ANKFN1: variants seen among roughly 807,000 people sequenced by gnomAD.
ANKFN1 encodes ankyrin repeat and fibronectin type-III domain-containing protein 1.
In ANKFN1, 74 loss-of-function variants were observed where a neutral mutation model predicts 108.7. The ratio of observed to expected loss-of-function variants is 0.68; its 90% CI spans 0.56 to 0.83. ANKFN1 has a LOEUF of 0.83. Among genes scored for constraint, ANKFN1 ranks in the 40% least tolerant of loss-of-function variants. The pLI is 0.00. For synonymous variants in ANKFN1, 547 were observed against 516.2 expected (o/e 1.06, Z -0.81); for missense variants, 1,505 against 1,382.3 (o/e 1.09, Z -1.41).
chr17:56,054,948 A>G (rs1359647214), intron 4 of ANKFN1, among the ~76,000 whole-genome samples: 1 of 152,082 alleles, frequency 6.6e-6, no homozygotes, highest in African/African-American at 2.4e-5. Context: ...AAAGAATACA[A>G]ATGCTCATCT....
At chr17:56,443,535 C>G (rs899063741) in intron 10 of ANKFN1, among the ~76,000 whole-genome samples, 4 of 152,110 alleles carry the variant, frequency 2.6e-5, no homozygotes, top group Non-Finnish European at 2.9e-5. Flanking sequence ...CTTCCTCACC[C>G]GCAGTGCACA....
intron 19 of ANKFN1, among the ~76,000 whole-genome samples, chr17:56,497,643 C>G (rs2051242356): frequency 6.6e-6 from 1 of 152,062 alleles, no homozygotes; most frequent in Non-Finnish European, 1.5e-5. Context: ...CTTCCACAAT[C>G]AGAGAGAGAG....
intron 8 of ANKFN1, among the ~76,000 whole-genome samples, chr17:56,430,451 A>G (rs1241294489): frequency 6.6e-6 from 1 of 150,422 alleles, no homozygotes; most frequent in East Asian, 2.0e-4. Context: ...GTAATACTGC[A>G]TTGTCTACTA....
chr17:56,225,553 GATGTGTTATTAGGGCCCAACAC>G (rs923195962), intron 2 of ANKFN1, among the ~76,000 whole-genome samples: 3 of 152,168 alleles, frequency 2.0e-5, no homozygotes, highest in African/African-American at 7.2e-5. Context: ...GAGGGGAGGG[GATGTGTTATTAGGGCCCAACAC>G]AGTGCCTTGC....
chr17:56,131,790 C>T (rs539001779), intron 4 of ANKFN1, among the ~76,000 whole-genome samples: 2 of 152,116 alleles, frequency 1.3e-5, no homozygotes, highest in Non-Finnish European at 2.9e-5. Context: ...TTTTGGAAGG[C>T]CGAGACAGGA....
intron 3 of ANKFN1, among the ~76,000 whole-genome samples, chr17:56,263,038 A>G (rs1472977047): frequency 6.6e-6 from 1 of 152,220 alleles, no homozygotes; most frequent in Admixed American, 6.5e-5. Flanking sequence ...GTTGAGTCAC[A>G]GAGGCACGAA....
chr17:56,121,176 TA>T (rs1906595387), intron 4 of ANKFN1, among the ~76,000 whole-genome samples: 1 of 152,026 alleles, frequency 6.6e-6, no homozygotes, highest in Admixed American at 6.6e-5. Flanking sequence ...TGCTTCTTTT[TA>T]AAAGATCTTA....
intron 3 of ANKFN1, among the ~76,000 whole-genome samples, chr17:56,307,669 G>A (rs1218397969): frequency 1.3e-5 from 2 of 152,176 alleles, no homozygotes; most frequent in African/African-American, 2.4e-5. Context: ...AGTCAGTGTG[G>A]CGATTCCTCG....
At chr17:56,270,470 C>T (rs760327179) in intron 3 of ANKFN1, among the ~76,000 whole-genome samples, 1 of 152,290 alleles carries the variant, frequency 6.6e-6, no homozygotes, top group African/African-American at 2.4e-5. Flanking sequence ...CAGTTCTGCT[C>T]GCAAGGTAAG....
chr17:56,112,804 GTTTA>G (rs1364570208), intron 4 of ANKFN1, among the ~76,000 whole-genome samples: 2 of 152,056 alleles, frequency 1.3e-5, no homozygotes, highest in African/African-American at 4.8e-5. Flanking sequence ...GATTGCAATG[GTTTA>G]TTTAACTTTT....
chr17:56,213,213 C>G (rs560370997), intron 2 of ANKFN1, among the ~76,000 whole-genome samples: 3 of 152,264 alleles, frequency 2.0e-5, no homozygotes, highest in African/African-American at 7.2e-5. Context: ...ATTGAAGAGG[C>G]TGGAGCTGGC....
chr17:56,078,124 A>G (rs1184862065), intron 4 of ANKFN1, among the ~76,000 whole-genome samples: 1 of 152,202 alleles, frequency 6.6e-6, no homozygotes, highest in Non-Finnish European at 1.5e-5. Context: ...TGTGGTAGGC[A>G]GCAGCTCAAA....
intron 20 of ANKFN1, among the ~76,000 whole-genome samples, chr17:56,507,113 G>A (rs1290890742): frequency 6.6e-6 from 1 of 152,120 alleles, no homozygotes; most frequent in Non-Finnish European, 1.5e-5. Flanking sequence ...TTCTTTGCAT[G>A]GGTCCTATTT....
intron 18 of ANKFN1, among the ~76,000 whole-genome samples, chr17:56,483,766 G>A (rs2050780081): frequency 6.6e-6 from 1 of 152,178 alleles, no homozygotes; most frequent in African/African-American, 2.4e-5. Flanking sequence ...CAGCCAAAAA[G>A]CATTTTTAGT....
At chr17:56,064,108 G>T (rs994634622) in intron 4 of ANKFN1, among the ~76,000 whole-genome samples, 3 of 152,096 alleles carry the variant, frequency 2.0e-5, no homozygotes, top group Non-Finnish European at 1.5e-5. Context: ...AGCAAAGATG[G>T]GTGCGTACTC....
At chr17:56,202,196 C>G (rs1914126258) in intron 1 of ANKFN1, among the ~76,000 whole-genome samples, 1 of 152,184 alleles carries the variant, frequency 6.6e-6, no homozygotes, top group African/African-American at 2.4e-5. Context: ...ACAGTTAACC[C>G]TCATGGTACC....
intron 6 of ANKFN1, among the ~76,000 whole-genome samples, chr17:56,370,948 G>GTT (rs34547153): frequency 6.2e-4 from 92 of 149,298 alleles, no homozygotes; most frequent in African/African-American, 6.1e-4. Flanking sequence ...GTGTGTATGT[G>GTT]TTTTTTTTTT....
In ANKFN1 at chr17:56,088,523, G is replaced by T. The variant is rs536217656; in HGVS notation, c.288+42198G>T. Among the ~76,000 whole-genome samples, 3 of 150,992 alleles carry T rather than the reference G, an allele frequency of 2.0e-5. No homozygotes were observed. The South Asian group carries it at 6.3e-4, about 32-fold the overall frequency. On this transcript the variant is annotated intron_variant, in intron 4 of 12. Transcript: ENST00000635860. ...TCTAGCTGGTTTCTAGCTGGTGGCA[G>T]TCACCACACATCTCTCTGATATGTC...
chr17:56,124,489 C>A (rs561789827), intron 4 of ANKFN1, among the ~76,000 whole-genome samples: 1 of 152,294 alleles, frequency 6.6e-6, no homozygotes, highest in Admixed American at 6.5e-5. Flanking sequence ...GCCCCAGTGT[C>A]CCTGCCGGTT....
Sources: allele counts gnomAD v4.1 joint callset (sites outside exome capture counted in the v4.1 genomes callset), GRCh38; gene constraint gnomAD v4.1.1; transcripts MANE v1.5; gene names NCBI Gene and HGNC (gene_info 2026-07-23, HGNC 2026-07-21).